CNTNAP4: variants seen among roughly 807,000 people sequenced by gnomAD.
CNTNAP4 encodes contactin associated protein family member 4, also known as contactin-associated protein-like 4.
In CNTNAP4, 98 loss-of-function variants were observed where a neutral mutation model predicts 148.4. That is an observed-to-expected ratio of 0.66 (90% CI 0.56 to 0.78). The LOEUF is 0.78. Ranked by LOEUF, CNTNAP4 falls within the 30% of genes least tolerant of loss-of-function variation. The pLI is 0.00. For synonymous variants in CNTNAP4, 730 were observed against 565.1 expected, an observed-to-expected ratio of 1.29 and a Z score of -4.14; for missense variants, 1,935 against 1,565.6, an observed-to-expected ratio of 1.24 and a Z score of -3.98.
At chr16:76,350,492 A>G (rs1965281901) in intron 2 of CNTNAP4, among the ~76,000 whole-genome samples, 2 of 152,208 alleles carry the variant, frequency 1.3e-5, no homozygotes, top group Admixed American at 6.5e-5. Context: ...CTTACAATTC[A>G]TAGCAACACA....
chr16:76,531,617 A>G (rs1437598301), intron 17 of CNTNAP4, among the ~76,000 whole-genome samples: 1 of 152,232 alleles, frequency 6.6e-6, no homozygotes, highest in Admixed American at 6.5e-5. Context: ...TCCAGAATCA[A>G]TTAACCAAAC....
chr16:76,485,890 C>T (rs2082009175), intron 12 of CNTNAP4, among the ~76,000 whole-genome samples: 1 of 152,216 alleles, frequency 6.6e-6, no homozygotes, highest in African/African-American at 2.4e-5. Context: ...CTCTCCCCTC[C>T]TGTCTCCTCT....
intron 21 of CNTNAP4, among the ~76,000 whole-genome samples, chr16:76,547,759 C>T (rs889958390): frequency 6.6e-6 from 1 of 152,118 alleles, no homozygotes. Context: ...GTCCGCAGAG[C>T]TCAGGAAGCA....
intron 3 of CNTNAP4, among the ~76,000 whole-genome samples, chr16:76,365,616 G>A (rs764349740): frequency 6.6e-6 from 1 of 152,026 alleles, no homozygotes; most frequent in Non-Finnish European, 1.5e-5. Context: ...CCCGGGTATA[G>A]TGGCGGACAC....
chr16:76,347,155 G>GTT (rs1375167458), intron 2 of CNTNAP4, among the ~76,000 whole-genome samples: 1 of 151,942 alleles, frequency 6.6e-6, no homozygotes, highest in African/African-American at 2.4e-5. Context: ...GTGTGTGTGT[G>GTT]TGTGTGTGTG....
chr16:76,366,399 G>C (rs12919712), intron 3 of CNTNAP4, among the ~76,000 whole-genome samples: 40,564 of 151,972 alleles, frequency 0.27, 6,053 homozygotes, highest in Non-Finnish European at 0.34. Flanking sequence ...TTTTCTGTTC[G>C]TGCATTAGTT....
At chr16:76,323,981 C>G (rs7184662) in intron 2 of CNTNAP4, among the ~76,000 whole-genome samples, 28,706 of 152,156 alleles carry the variant, frequency 0.19, 3,599 homozygotes, top group East Asian at 0.51. Context: ...TCTATGACAA[C>G]GTACTCTTCT....
rs57877887 is a variant in CNTNAP4 at position 76,470,203 on chromosome 16, G to A, written c.1655+2680G>A. On this transcript the variant is annotated intron_variant, in intron 10 of 23. Transcript: ENST00000611870. ...CCCAGCCTCTAACCCCAGCACTCTG[G>A]ATCCAGGGAAGTCTCCCTGAAATGT... Among the ~76,000 whole-genome samples the A allele has an allele frequency of 4.6e-3, 701 of 152,202 alleles. 6 individuals are homozygous for A. The highest frequency in any genetic ancestry group is 0.016 in the African/African-American group (672 of 41,504).
At chr16:76,493,061 A>G (rs1200069338) in intron 13 of CNTNAP4, among the ~76,000 whole-genome samples, 1 of 152,132 alleles carries the variant, frequency 6.6e-6, no homozygotes, top group East Asian at 1.9e-4. Flanking sequence ...GAACATGACT[A>G]AATACAGAAG....
intron 8 of CNTNAP4, among the ~76,000 whole-genome samples, chr16:76,458,416 A>G (rs1308492748): frequency 2.0e-5 from 3 of 152,092 alleles, no homozygotes; most frequent in South Asian, 4.1e-4. Flanking sequence ...TTCTATTATT[A>G]TTGTAATATA....
rs199509550 is a variant in CNTNAP4, at chr16:76,420,678, A to AAAC, written c.391-6755_391-6753dup. On this transcript the variant is annotated intron_variant, in intron 3 of 23. Coordinates refer to ENST00000611870, the MANE Select transcript of CNTNAP4 (RefSeq NM_033401.5). ...AAGCTGCTCATAAAACCATGACCAA[A>AAAC]AACAACAACAACAACAACAACGAAA... Among the ~76,000 whole-genome samples the AAAC allele has an allele frequency of 5.6e-4, 85 of 151,898 alleles. No individual in the cohort carries two copies. The East Asian group carries it at 0.011, about 20-fold the overall frequency.
At chr16:76,490,333 A>G (rs2082170456) in intron 13 of CNTNAP4, among the ~76,000 whole-genome samples, 1 of 152,312 alleles carries the variant, frequency 6.6e-6, no homozygotes, top group South Asian at 2.1e-4. Flanking sequence ...ATAATGGAAA[A>G]TTAGAAAAGG....
At chr16:76,494,610 T>G (rs1197096976) in intron 13 of CNTNAP4, among the ~76,000 whole-genome samples, 3 of 152,216 alleles carry the variant, frequency 2.0e-5, no homozygotes, top group Non-Finnish European at 4.4e-5. Context: ...ATTGCATATG[T>G]GAGCTGCTCT....
At chr16:76,533,113 A>T (rs1359826639) in intron 17 of CNTNAP4, among the ~76,000 whole-genome samples, 7 of 138,886 alleles carry the variant, frequency 5.0e-5, no homozygotes, top group East Asian at 2.0e-4. Flanking sequence ...ATGAATCGAT[A>T]AAAAAAAAGT....
At chr16:76,305,275 A>G (rs1447384580) in intron 1 of CNTNAP4, among the ~76,000 whole-genome samples, 1 of 152,126 alleles carries the variant, frequency 6.6e-6, no homozygotes, top group Non-Finnish European at 1.5e-5. Flanking sequence ...GTATACTTAT[A>G]CTTTCTCCAT....
At chr16:76,498,373 CAG>C (rs145551640) in intron 14 of CNTNAP4, among the ~76,000 whole-genome samples, 192 bp from the exon 15 acceptor site, 25,071 of 152,088 alleles carry the variant, frequency 0.16, 2,649 homozygotes, top group Admixed American at 0.3. Flanking sequence ...GCCTGGGAGA[CAG>C]AGTGAGACCC....
At chr16:76,364,208 T>C (rs1033254102) in intron 3 of CNTNAP4, among the ~76,000 whole-genome samples, 2 of 110,908 alleles carry the variant, frequency 1.8e-5, no homozygotes, top group Non-Finnish European at 3.3e-5. Context: ...CATTCCAGCC[T>C]GGGCAACAGA....
intron 4 of CNTNAP4, among the ~76,000 whole-genome samples, chr16:76,443,611 G>A (rs1334809508): frequency 1.3e-5 from 2 of 151,928 alleles, no homozygotes; most frequent in South Asian, 2.1e-4. Context: ...TTTCCCAAAG[G>A]TATTTACAAA....
intron 4 of CNTNAP4, among the ~76,000 whole-genome samples, chr16:76,430,336 C>G (rs1256019895): frequency 2.0e-5 from 3 of 152,144 alleles, no homozygotes; most frequent in Non-Finnish European, 4.4e-5. Context: ...AGACATACAG[C>G]TTGCTCTGGG....
Sources: allele counts gnomAD v4.1 joint callset (sites outside exome capture counted in the v4.1 genomes callset), GRCh38; gene constraint gnomAD v4.1.1; transcripts MANE v1.5; gene names NCBI Gene and HGNC (gene_info 2026-07-23, HGNC 2026-07-21).